Variants in UGCG observed in about 807,000 individuals in gnomAD.
UGCG encodes ceramide glucosyltransferase.
In UGCG, 10 loss-of-function variants were observed where a neutral mutation model predicts 49.5. The observed-to-expected ratio is 0.20, with a 90% CI of 0.12 to 0.34. The LOEUF (loss-of-function observed/expected upper bound fraction) is 0.34, where lower values mean the gene tolerates loss of function less well. UGCG is among the 10% of genes least tolerant of loss of function. UGCG has a pLI of 1.00. For missense variants in UGCG, 312 were observed against 483.7 expected (o/e 0.65, Z 3.33); for synonymous variants, 182 against 158.2 (o/e 1.15, Z -1.13).
chr9:111,924,904 A>G (rs1005669841), intron 4 of UGCG, 26 bp downstream of exon 4: 3 of 1,310,040 alleles, frequency 2.3e-6, no homozygotes, highest in Non-Finnish European at 3.0e-6. Flanking sequence ...TATTTATTTT[A>G]TAAAACTATT....
intron 2 of UGCG, among the ~76,000 whole-genome samples, chr9:111,920,773 A>G (rs1463232421): frequency 2.0e-5 from 3 of 152,182 alleles, no homozygotes; most frequent in Admixed American, 6.5e-5. Flanking sequence ...TTACTTGTGT[A>G]TGCTTATCAT....
At position 111,903,626 on chromosome 9, in the gene UGCG, C is replaced by T. The variant is rs147967345; in HGVS notation, c.98+6313C>T. 3.7e-4 allele frequency among the ~76,000 whole-genome samples: 56 copies of T among 152,236 alleles called. No individual in the cohort carries two copies. In the East Asian group the frequency reaches 9.9e-3, roughly 27 times the overall value. On this transcript the variant is annotated intron_variant, in intron 1 of 8. Coordinates refer to ENST00000374279, the MANE Select transcript of UGCG (RefSeq NM_003358.3). The stretch of plus-strand genomic sequence containing the variant: ...TTCTTTTCTTTTTGAGATAGGGTCT[C>T]GCTCTGTTACCCAGGCTGGAGTGCA...
At chr9:111,901,108 G>A (rs141723054) in intron 1 of UGCG, among the ~76,000 whole-genome samples, 7 of 152,230 alleles carry the variant, frequency 4.6e-5, no homozygotes, top group Middle Eastern at 3.4e-3. Context: ...GAGCCACTGC[G>A]CCCAACCCAA....
chr9:111,922,562 A>C (rs1404216715), intron 2 of UGCG, among the ~76,000 whole-genome samples: 1 of 152,164 alleles, frequency 6.6e-6, no homozygotes, highest in Non-Finnish European at 1.5e-5. Flanking sequence ...CAGTTAATGG[A>C]GATTAACTAG....
intron 2 of UGCG, 92 bp from the exon 3 acceptor site, chr9:111,922,757 G>T: frequency 1.2e-6 from 1 of 824,394 alleles, no homozygotes; most frequent in Non-Finnish European, 1.8e-6. Flanking sequence ...ACAGTTGCTT[G>T]TTTTTTCCTG....
rs1303497253 is a variant in UGCG at position 111,935,305 on chromosome 9, TTTA to T, written c.*2314_*2316del. 6.6e-6 allele frequency: 1 copy of T among 152,198 alleles called. No individual in the cohort carries two copies. The highest frequency in any genetic ancestry group is 2.4e-5 in the African/African-American group (1 of 41,446). 9.4% of individuals were successfully genotyped at this position (152,198 alleles called of 1,614,324 possible). On this transcript the variant is annotated 3_prime_UTR_variant, in exon 9 of 9. Coordinates refer to ENST00000374279, the MANE Select transcript of UGCG (RefSeq NM_003358.3). Reference sequence around the variant, plus strand: ...CCAGTGTCTAGAATATATACCATGTTTTATTATTTAAAATCATTGTCTTAAATT... The same window carrying T: ...CCAGTGTCTAGAATATATACCATGTTTTATTTAAAATCATTGTCTTAAATT...
intron 2 of UGCG, among the ~76,000 whole-genome samples, chr9:111,918,115 C>T (rs1245257964): frequency 6.6e-6 from 1 of 152,026 alleles, no homozygotes; most frequent in Non-Finnish European, 1.5e-5. Flanking sequence ...AATCTCGGCT[C>T]ACTGCCACTT....
At chr9:111,928,551 A>T (rs972330171) in intron 5 of UGCG, among the ~76,000 whole-genome samples, 1 of 152,218 alleles carries the variant, frequency 6.6e-6, no homozygotes, top group Non-Finnish European at 1.5e-5. Flanking sequence ...CTAAGACCTC[A>T]ATAACTACTA....
intron 1 of UGCG, among the ~76,000 whole-genome samples, chr9:111,904,153 A>C (rs1047392168): frequency 6.6e-6 from 1 of 152,240 alleles, no homozygotes; most frequent in Non-Finnish European, 1.5e-5. Flanking sequence ...CATTTAGCCT[A>C]GAGCCCACAG....
chr9:111,910,814 C>G (rs1186311134), intron 1 of UGCG, among the ~76,000 whole-genome samples: 1 of 152,146 alleles, frequency 6.6e-6, no homozygotes, highest in East Asian at 1.9e-4. Flanking sequence ...GGCGCGATCT[C>G]TGCTCATTGC....
Position 111,932,021 on chromosome 9 carries a change from A to G in UGCG, c.825-149A>G, listed in dbSNP as rs1279955317. ...GGTGACAGAGCAGAACCCCGTCTCA[A>G]GTAAAAAAAAAAAAACAAAACAAAA... On this transcript the variant is annotated intron_variant, in intron 7 of 8. Transcript: ENST00000374279. 1.9e-5 allele frequency: 15 copies of G among 771,618 alleles called. No homozygotes were observed. In the Admixed American group the frequency reaches 3.0e-4, roughly 15 times the overall value. The allele number at this position is 771,618 out of a possible 1,614,324, so 47.8% of individuals were successfully genotyped here. A position where few individuals can be genotyped will look rare whatever the true frequency, so the allele number is the denominator to read the frequency against.
intron 1 of UGCG, among the ~76,000 whole-genome samples, chr9:111,904,516 C>T (rs1000361753): frequency 6.6e-6 from 1 of 152,164 alleles, no homozygotes; most frequent in African/African-American, 2.4e-5. Context: ...TCTCTTTGCC[C>T]TTCGGCTAGC....
At chr9:111,924,968 T>C (rs2118581047) in intron 4 of UGCG, 90 bp downstream of exon 4, 1 of 652,472 alleles carries the variant, frequency 1.5e-6, no homozygotes, top group East Asian at 4.2e-5. Context: ...GAGTTCTTTT[T>C]ATTTGCCTAA....
intron 2 of UGCG, among the ~76,000 whole-genome samples, chr9:111,916,622 A>T (rs1299972608): frequency 1.3e-5 from 2 of 151,908 alleles, no homozygotes; most frequent in Non-Finnish European, 2.9e-5. Flanking sequence ...GGCATGTGCT[A>T]CCACACCTGG....
At chr9:111,917,187 C>T (rs1414121042) in intron 2 of UGCG, among the ~76,000 whole-genome samples, 1 of 152,006 alleles carries the variant, frequency 6.6e-6, no homozygotes, top group Non-Finnish European at 1.5e-5. Context: ...TTTGTTAGTA[C>T]AGAATTTTAT....
chr9:111,918,299 C>G (rs1838148222), intron 2 of UGCG, among the ~76,000 whole-genome samples: 1 of 152,194 alleles, frequency 6.6e-6, no homozygotes, highest in Non-Finnish European at 1.5e-5. Flanking sequence ...GCCTCCGCCT[C>G]TTAAAGTGCT....
rs369470762 is a variant in UGCG at position 111,914,589 on chromosome 9, A to T, written c.99-16A>T. 75 of 1,611,210 alleles carry T rather than the reference A, an allele frequency of 4.7e-5. No individual in the cohort carries two copies. The highest frequency in any genetic ancestry group is 6.3e-5 in the Non-Finnish European group (74 of 1,178,956). ...TGTATTCTATAGAAATAATTTTTATATCATTTGCTTTTTAGCCGATTACAC... is the reference window on the plus strand; with the variant it reads ...TGTATTCTATAGAAATAATTTTTATTTCATTTGCTTTTTAGCCGATTACAC... On this transcript the variant is annotated splice_polypyrimidine_tract_variant and intron_variant, in intron 1 of 8. Coordinates refer to ENST00000374279, the MANE Select transcript of UGCG (RefSeq NM_003358.3).
At chr9:111,915,762 T>C in intron 2 of UGCG, 1 of 984,606 alleles carries the variant, frequency 1.0e-6, no homozygotes, top group Non-Finnish European at 1.2e-6. Context: ...CTTTTAGCCT[T>C]TATTTTTCTC....
intron 5 of UGCG, among the ~76,000 whole-genome samples, chr9:111,926,759 C>T (rs923159620): frequency 6.6e-6 from 1 of 151,894 alleles, no homozygotes; most frequent in African/African-American, 2.4e-5. Flanking sequence ...ACAGTCTAAC[C>T]TCTTGCCTTG....
Sources: allele counts gnomAD v4.1 joint callset (sites outside exome capture counted in the v4.1 genomes callset), GRCh38; gene constraint gnomAD v4.1.1; transcripts MANE v1.5; gene names NCBI Gene and HGNC (gene_info 2026-07-23, HGNC 2026-07-21).